Variants in GPC6 observed in about 807,000 individuals in gnomAD.
GPC6 encodes the protein glypican 6.
A neutral mutation model predicts 55.2 loss-of-function variants in GPC6; 14 were observed. That is an observed-to-expected ratio of 0.25 (90% CI 0.17 to 0.40). The LOEUF (loss-of-function observed/expected upper bound fraction) is 0.40. Among genes scored for constraint, GPC6 ranks in the 10% least tolerant of loss-of-function variants. GPC6 has a pLI of 1.00. For synonymous variants in GPC6, 278 were observed against 259.6 expected (o/e 1.07, Z -0.68); for missense variants, 641 against 708.5 (o/e 0.90, Z 1.08).
chr13:94,123,046 T>TA (rs1385682758), intron 4 of GPC6, among the ~76,000 whole-genome samples: 8 of 152,092 alleles, frequency 5.3e-5, no homozygotes, highest in African/African-American at 1.9e-4. Flanking sequence ...AAACCCAGTT[T>TA]AAAAAATCAT....
chr13:94,249,869 AC>A (rs1891299402), intron 4 of GPC6, among the ~76,000 whole-genome samples: 1 of 152,164 alleles, frequency 6.6e-6, no homozygotes, highest in Non-Finnish European at 1.5e-5. Context: ...TGCAATTTGC[AC>A]CTCAAGGATG....
intron 1 of GPC6, among the ~76,000 whole-genome samples, chr13:93,356,005 A>T (rs1880837525): frequency 6.6e-6 from 1 of 152,148 alleles, no homozygotes; most frequent in African/African-American, 2.4e-5. Flanking sequence ...AGCTCGAAAT[A>T]GAGACGCCAT....
At chr13:94,083,347 T>C (rs1159714548) in intron 4 of GPC6, among the ~76,000 whole-genome samples, 33 of 152,222 alleles carry the variant, frequency 2.2e-4, no homozygotes, top group East Asian at 1.9e-4. Flanking sequence ...CTCGATCTCC[T>C]GACCTTGTGA....
At chr13:93,478,542 AG>A (rs1198328872) in intron 1 of GPC6, among the ~76,000 whole-genome samples, 2 of 152,326 alleles carry the variant, frequency 1.3e-5, no homozygotes, top group East Asian at 3.9e-4. Flanking sequence ...TCTGGAGGTG[AG>A]GTGCAGTTGT....
rs140319499 is a variant in GPC6 at position 93,252,013 on chromosome 13, T to C, written c.160+24397T>C. 7.4e-4 allele frequency among the ~76,000 whole-genome samples: 113 copies of C among 152,344 alleles called. 3 individuals carry two copies. Among genetic ancestry groups the C allele is most frequent in the Admixed American group, 6.1e-3 (94 of 15,296 alleles). On this transcript the variant is annotated intron_variant, in intron 1 of 8. Transcript: ENST00000377047. The stretch of plus-strand genomic sequence containing the variant: ...TCAGGAGAATGATCTGTTTGATAAG[T>C]TGCTTTGATTATTTCGATTTGTTGA...
chr13:93,492,601 G>A (rs1486336640), intron 1 of GPC6, among the ~76,000 whole-genome samples: 10 of 148,728 alleles, frequency 6.7e-5, no homozygotes, highest in Non-Finnish European at 4.5e-5. Flanking sequence ...TCTTGTGCCA[G>A]TTTTCAAAGG....
At chr13:93,691,609 T>C (rs192565675) in intron 2 of GPC6, among the ~76,000 whole-genome samples, 1 of 152,106 alleles carries the variant, frequency 6.6e-6, no homozygotes, top group Admixed American at 6.6e-5. Context: ...CTATTTCAAA[T>C]GAAAAAATTA....
chr13:93,740,170 C>G (rs1185223782), intron 2 of GPC6, among the ~76,000 whole-genome samples: 1 of 146,060 alleles, frequency 6.8e-6, no homozygotes, highest in Admixed American at 6.8e-5. Context: ...CTAGAGAATA[C>G]TATAGCAACG....
chr13:94,046,103 G>C (rs1883723258), intron 4 of GPC6, among the ~76,000 whole-genome samples: 2 of 151,652 alleles, frequency 1.3e-5, no homozygotes, highest in African/African-American at 4.8e-5. Context: ...TCAGCGGACT[G>C]CCAACAAAAA....
At chr13:94,124,780 T>G (rs904743063) in intron 4 of GPC6, among the ~76,000 whole-genome samples, 1 of 152,064 alleles carries the variant, frequency 6.6e-6, no homozygotes, top group African/African-American at 2.4e-5. Flanking sequence ...AAGTCAGAAT[T>G]TCTAACTGTC....
intron 7 of GPC6, among the ~76,000 whole-genome samples, chr13:94,394,569 G>C (rs946168864): frequency 1.3e-5 from 2 of 152,158 alleles, no homozygotes; most frequent in African/African-American, 4.8e-5. Context: ...ATGTGAGAGG[G>C]AAGAAATAAA....
chr13:93,225,406 G>A (rs1269141126), upstream of GPC6, among the ~76,000 whole-genome samples: 1 of 152,140 alleles, frequency 6.6e-6, no homozygotes. Context: ...CATAAATATT[G>A]TGAAAGCAAA....
At chr13:93,543,688 G>T (rs970593590) in intron 1 of GPC6, among the ~76,000 whole-genome samples, 8 of 152,100 alleles carry the variant, frequency 5.3e-5, no homozygotes, top group African/African-American at 1.9e-4. Flanking sequence ...ATTCCATTGT[G>T]TACTTATGCC....
chr13:93,726,517 G>A (rs912158060), intron 2 of GPC6, among the ~76,000 whole-genome samples: 4 of 151,896 alleles, frequency 2.6e-5, no homozygotes, highest in South Asian at 2.1e-4. Context: ...TCCTTCCCTC[G>A]GGGTATGTCA....
intron 4 of GPC6, among the ~76,000 whole-genome samples, chr13:94,066,190 T>A (rs148422547): frequency 6.6e-6 from 1 of 152,298 alleles, no homozygotes; most frequent in African/African-American, 2.4e-5. Context: ...TTATACCCAT[T>A]GTAGATATTC....
At chr13:93,958,825 G>A (rs1879630468) in intron 3 of GPC6, among the ~76,000 whole-genome samples, 2 of 152,110 alleles carry the variant, frequency 1.3e-5, no homozygotes, top group South Asian at 4.1e-4. Context: ...AGCATGGAAT[G>A]TTTTTCCATG....
intron 2 of GPC6, among the ~76,000 whole-genome samples, chr13:93,702,112 T>A (rs1344450386): frequency 1.3e-5 from 2 of 152,056 alleles, no homozygotes; most frequent in Non-Finnish European, 2.9e-5. Flanking sequence ...TATAGCCTTA[T>A]CAAATGTATT....
chr13:94,168,721 T>C (rs1320242383), intron 4 of GPC6, among the ~76,000 whole-genome samples: 1 of 148,110 alleles, frequency 6.8e-6, no homozygotes, highest in East Asian at 1.9e-4. Context: ...ATATAAAATA[T>C]ATATTATATA....
intron 4 of GPC6, among the ~76,000 whole-genome samples, chr13:94,176,102 A>G (rs899820930): frequency 6.6e-6 from 1 of 151,968 alleles, no homozygotes; most frequent in Admixed American, 6.6e-5. Flanking sequence ...AGCTCCTTAT[A>G]TATATTGCAC....
Sources: allele counts gnomAD v4.1 joint callset (sites outside exome capture counted in the v4.1 genomes callset), GRCh38; gene constraint gnomAD v4.1.1; transcripts MANE v1.5; gene names NCBI Gene and HGNC (gene_info 2026-07-23, HGNC 2026-07-21).